NCOA3: variants seen among roughly 807,000 people sequenced by gnomAD.
NCOA3 encodes nuclear receptor coactivator 3, also known as CBP-interacting protein.
A neutral mutation model predicts 158.8 loss-of-function variants in NCOA3; 51 were observed. That is an observed-to-expected ratio of 0.32 (90% CI 0.26 to 0.41). The LOEUF is 0.41. Ranked by LOEUF, NCOA3 falls within the 10% of genes least tolerant of loss-of-function variation. The pLI is 1.00. For synonymous variants in NCOA3, 537 were observed against 592.4 expected, an observed-to-expected ratio of 0.91 and a Z score of 1.36; for missense variants, 1,510 against 1,746.6, an observed-to-expected ratio of 0.86 and a Z score of 2.41.
chr20:47,561,764 A>G (rs2085110397), intron 1 of NCOA3, among the ~76,000 whole-genome samples: 1 of 152,176 alleles, frequency 6.6e-6, no homozygotes, highest in Non-Finnish European at 1.5e-5. Context: ...ATTTATGCTG[A>G]CACATCATCA....
chr20:47,596,850 G>A (rs6018574), intron 2 of NCOA3, among the ~76,000 whole-genome samples: 20,651 of 152,140 alleles, frequency 0.14, 2,019 homozygotes, highest in African/African-American at 0.26. Flanking sequence ...TCGGCCTCCT[G>A]AAGTGCTGGG....
chr20:47,646,817 G>A (rs2086692673), intron 17 of NCOA3, among the ~76,000 whole-genome samples: 1 of 152,194 alleles, frequency 6.6e-6, no homozygotes, highest in African/African-American at 2.4e-5. Context: ...TGAATGCACA[G>A]TACACCTGGT....
chr20:47,539,703 C>T (rs1383310249), intron 1 of NCOA3, among the ~76,000 whole-genome samples: 4 of 152,156 alleles, frequency 2.6e-5, no homozygotes, highest in Non-Finnish European at 5.9e-5. Context: ...AAGATACCAT[C>T]AATTATAGAA....
At chr20:47,640,144 G>A in intron 16 of NCOA3, 93 bp downstream of exon 16, 1 of 1,537,150 alleles carries the variant, frequency 6.5e-7, no homozygotes, top group Non-Finnish European at 8.9e-7. Context: ...AAGAGAATGA[G>A]AATTCCCTAT....
intron 19 of NCOA3, among the ~76,000 whole-genome samples, chr20:47,650,592 A>G (rs1602546989): frequency 6.6e-6 from 1 of 151,658 alleles, no homozygotes; most frequent in Non-Finnish European, 1.5e-5. Flanking sequence ...TGGCCGGCAC[A>G]GTGGCTCACA....
chr20:47,573,714 A>G (rs2085330706), intron 1 of NCOA3, among the ~76,000 whole-genome samples: 1 of 152,224 alleles, frequency 6.6e-6, no homozygotes, highest in Non-Finnish European at 1.5e-5. Context: ...AGGGAGTATG[A>G]AAAACTAATT....
chr20:47,572,821 G>A (rs1220763259), intron 1 of NCOA3, among the ~76,000 whole-genome samples: 12 of 152,088 alleles, frequency 7.9e-5, no homozygotes, highest in African/African-American at 2.4e-4. Flanking sequence ...ACAGGGGTGC[G>A]CCACCATGCC....
chr20:47,616,292 C>G (rs560803754), intron 2 of NCOA3, among the ~76,000 whole-genome samples: 1 of 151,606 alleles, frequency 6.6e-6, no homozygotes, highest in African/African-American at 2.4e-5. Context: ...CTCCTGGGTT[C>G]AAGCAATCCT....
intron 2 of NCOA3, among the ~76,000 whole-genome samples, chr20:47,605,232 A>T (rs1278661803): frequency 6.6e-6 from 1 of 152,016 alleles, no homozygotes; most frequent in African/African-American, 2.4e-5. Context: ...GTGGGAAATA[A>T]TTTTTTTCCC....
In NCOA3 at chr20:47,542,009, G is replaced by GTTTTTTTGTTTT. The variant is rs71183262; in HGVS notation, c.-99+39997_-99+39998insGTTTTTTTTTTT. Among the ~76,000 whole-genome samples, 31 of 56,354 alleles carry GTTTTTTTGTTTT rather than the reference G, an allele frequency of 5.5e-4. 4 individuals carry two copies. Among genetic ancestry groups the GTTTTTTTGTTTT allele is most frequent in the Non-Finnish European group, 7.0e-4 (20 of 28,696 alleles). The allele number at this position is 56,354 out of a possible 152,430, so 37.0% of individuals were successfully genotyped here. ...ATCAAATTATTTTTTGCCCTGTAGA[G>GTTTTTTTGTTTT]TTTTTTTTTTTTTTTTTTTTTGTTG... On this transcript the variant is annotated intron_variant, in intron 1 of 22. Transcript: ENST00000371998.
intron 5 of NCOA3, 48 bp from the exon 6 acceptor site, chr20:47,626,954 G>A (rs775447499): frequency 3.5e-5 from 52 of 1,469,130 alleles, no homozygotes; most frequent in Middle Eastern, 4.0e-4. Flanking sequence ...AGAGGGAGGA[G>A]GATACAATTC....
intron 1 of NCOA3, among the ~76,000 whole-genome samples, chr20:47,503,625 C>T (rs894302969): frequency 2.6e-5 from 4 of 152,042 alleles, no homozygotes; most frequent in African/African-American, 9.7e-5. Flanking sequence ...TGTTTTTGCT[C>T]TCTTAAAAAA....
rs556436030 is a variant in NCOA3, at chr20:47,525,449, T to C, written c.-99+23430T>C. ...GGCCCGTTCTCAATGAGCTGTTGGG[T>C]ACACCTCCCAGACGGGGTGGTGGCC... On this transcript the variant is annotated intron_variant, in intron 1 of 22. Transcript: ENST00000371998. Among the ~76,000 whole-genome samples the C allele has an allele frequency of 3.5e-4, 53 of 150,826 alleles. 1 individual carries two copies. In the East Asian group the frequency reaches 0.01, roughly 29 times the overall value.
intron 17 of NCOA3, among the ~76,000 whole-genome samples, chr20:47,646,826 G>C (rs1374077307): frequency 6.6e-6 from 1 of 152,210 alleles, no homozygotes; most frequent in African/African-American, 2.4e-5. Flanking sequence ...AGTACACCTG[G>C]TTCTTGTCTT....
At chr20:47,511,098 C>T (rs2084115735) in intron 1 of NCOA3, among the ~76,000 whole-genome samples, 1 of 152,040 alleles carries the variant, frequency 6.6e-6, no homozygotes, top group Non-Finnish European at 1.5e-5. Context: ...ATCAGGTACT[C>T]ATATCACTTC....
intron 2 of NCOA3, among the ~76,000 whole-genome samples, chr20:47,585,723 T>A (rs1259385198): frequency 5.3e-5 from 8 of 152,212 alleles, no homozygotes; most frequent in Admixed American, 5.2e-4. Flanking sequence ...CAAGCTTATG[T>A]TGTGCTCTAA....
At chr20:47,570,153 C>T (rs1317548404) in intron 1 of NCOA3, among the ~76,000 whole-genome samples, 1 of 152,088 alleles carries the variant, frequency 6.6e-6, no homozygotes. Flanking sequence ...TTTATTTGGT[C>T]ATCTATAAGA....
intron 18 of NCOA3, among the ~76,000 whole-genome samples, chr20:47,647,954 G>A (rs1453035479): frequency 3.5e-5 from 5 of 141,028 alleles, no homozygotes; most frequent in Admixed American, 7.4e-5. Flanking sequence ...TTGCTCTGTC[G>A]CCCAGGCTGG....
rs749605707 is a variant in NCOA3 at position 47,639,999 on chromosome 20, T to C, written c.3028T>C (p.Trp1010Arg). The change falls in exon 16 of 23, where the codon TGG (tryptophan) becomes CGG (arginine). Residue 1010 changes from tryptophan to arginine, a missense_variant. Physicochemically the swap from Trp to Arg is moderately radical, Grantham distance 101. Transcript: ENST00000371998. ...AGCAGCATCTAACCAACTGGGTTCC[T>C]GGCCCGATGGCATGTTGTCCATGGA... ...QAAASNQLGS[W>R]PDGMLSMEQV... The C allele has an allele frequency of 5.0e-6, 8 of 1,614,114 alleles. No individual in the cohort carries two copies. In the Admixed American group the frequency reaches 1.2e-4, roughly 24 times the overall value.
Sources: allele counts gnomAD v4.1 joint callset (sites outside exome capture counted in the v4.1 genomes callset), GRCh38; gene constraint gnomAD v4.1.1; transcripts MANE v1.5; gene names NCBI Gene and HGNC (gene_info 2026-07-23, HGNC 2026-07-21).